Variants in CSRP3 observed in about 807,000 individuals in gnomAD.
CSRP3 encodes cysteine and glycine rich protein 3, also known as cysteine and glycine-rich protein 3.
In CSRP3, 24 loss-of-function variants were observed where a neutral mutation model predicts 24.3. That is an observed-to-expected ratio of 0.99 (90% CI 0.71 to 1.39). CSRP3 has a LOEUF of 1.39. Ranked by LOEUF, CSRP3 falls within the 40% of genes most tolerant of loss-of-function variation. The probability of loss-of-function intolerance (pLI) is 0.00; values close to 1 mark genes in which losing one functional copy is unlikely to be tolerated. For synonymous variants in CSRP3, 105 were observed against 94.0 expected (o/e 1.12, Z -0.68); for missense variants, 240 against 249.0 (o/e 0.96, Z 0.24).
Position 19,186,224 on chromosome 11 carries a change from C to A in CSRP3, c.406G>T (p.Gly136Cys). 6.2e-7 allele frequency: 1 copy of A among 1,614,204 alleles called. No homozygotes were observed. Among genetic ancestry groups the A allele is most frequent in the East Asian group, 2.2e-5 (1 of 44,878 alleles). The change falls in exon 4 of 6, where the codon GGT (glycine) becomes TGT (cysteine). Residue 136 changes from glycine to cysteine, a missense_variant. Gly to Cys is a radical substitution (Grantham distance 159). Coordinates refer to ENST00000265968, the MANE Select transcript of CSRP3 (RefSeq NM_003476.5). The stretch of plus-strand genomic sequence containing the variant: ...CATACAGAAGGTCTTACCTTGCCAC[C>A]TCCCATAACCTTCTCAGCAGCATAG... ...SVYAAEKVMGGGKPWHKTCFR... is the reference protein window; with the variant it reads ...SVYAAEKVMGCGKPWHKTCFR...
At chr11:19,195,691 C>CTG (rs35333621) in intron 1 of CSRP3, among the ~76,000 whole-genome samples, 153 of 150,490 alleles carry the variant, frequency 1.0e-3, no homozygotes, top group East Asian at 3.7e-3. Flanking sequence ...ACATATATAT[C>CTG]TGTGTGTGTG....
At chr11:19,195,606 G>A (rs1850689489) in intron 1 of CSRP3, among the ~76,000 whole-genome samples, 1 of 152,168 alleles carries the variant, frequency 6.6e-6, no homozygotes, top group Admixed American at 6.5e-5. Context: ...TCTCATTTCA[G>A]ATTTGCAGTG....
chr11:19,197,563 C>CTTTCTTTCTTTCTT lies in CSRP3; in HGVS notation c.-29+4377_-29+4390dup, dbSNP rs1554968725. 9.9e-4 allele frequency among the ~76,000 whole-genome samples: 124 copies of CTTTCTTTCTTTCTT among 124,894 alleles called. 1 individual carries two copies. Among genetic ancestry groups the CTTTCTTTCTTTCTT allele is most frequent in the South Asian group, 5.1e-3 (19 of 3,706 alleles). The allele number at this position is 124,894 out of a possible 152,430, so 81.9% of individuals were successfully genotyped here. On this transcript the variant is annotated intron_variant, in intron 1 of 5. Coordinates refer to ENST00000265968, the MANE Select transcript of CSRP3 (RefSeq NM_003476.5). ...TCTTTCTTTCTTTCTTTCTTTCTTTCTTTCTTTCTTTCTTCTTTCACTACC... is the reference window on the plus strand; with the variant it reads ...TCTTTCTTTCTTTCTTTCTTTCTTTCTTTCTTTCTTTCTTTTTCTTTCTTTCTTCTTTCACTACC...
rs749002955 is a variant in CSRP3, at chr11:19,182,723, G to A, written c.532C>T (p.Pro178Ser). 12 of 1,613,888 alleles carry A rather than the reference G, an allele frequency of 7.4e-6. No individual in the cohort carries two copies. Among genetic ancestry groups the A allele is most frequent in the African/African-American group, 1.3e-5 (1 of 74,866 alleles). The change falls in exon 6 of 6, where the codon CCC (proline) becomes TCC (serine). Residue 178 changes from proline to serine, a missense_variant. By Grantham distance (74) the Pro-to-Ser change is moderately conservative. Transcript: ENST00000265968. ...CKVCYAKNFGPTGIGFGGLTQ... is the reference protein window; with the variant it reads ...CKVCYAKNFGSTGIGFGGLTQ... ...AGGCCTCCAAACCCAATACCCGTGG[G>A]GCCAAAATTTTTGGCATAGCAAACT... is the stretch of plus-strand genomic sequence containing the variant.
At chr11:19,201,232 T>G (rs1408150954) in intron 1 of CSRP3, among the ~76,000 whole-genome samples, 1 of 152,248 alleles carries the variant, frequency 6.6e-6, no homozygotes, top group Non-Finnish European at 1.5e-5. Flanking sequence ...GAGCTTTTAA[T>G]ATATTTCAAC....
Position 19,192,380 on chromosome 11 carries a change from G to T in CSRP3, c.69C>A (p.Ile23=). ...CEKTVYHAEE[I]QCNGRSFHKT... is the part of the protein sequence containing the mutation. ...TGTGGAAACTCCTTCCATTGCACTG[G>T]ATTTCTTCTGCATGGTAGACGGTCT... Residue 23 remains isoleucine (I), a synonymous_variant, in exon 2 of 6, where the codon ATC becomes ATA. Transcript: ENST00000265968. 6.2e-7 allele frequency: 1 copy of T among 1,614,202 alleles called. No individual in the cohort carries two copies. Among genetic ancestry groups the T allele is most frequent in the Non-Finnish European group, 8.5e-7 (1 of 1,180,024 alleles).
chr11:19,198,058 C>T (rs1850771384), intron 1 of CSRP3, among the ~76,000 whole-genome samples: 2 of 152,158 alleles, frequency 1.3e-5, no homozygotes, highest in Admixed American at 6.6e-5. Context: ...TTGGAACTTA[C>T]GTTTCTCTGA....
At chr11:19,191,518 A>G (rs1850614138) in intron 2 of CSRP3, among the ~76,000 whole-genome samples, 1 of 152,196 alleles carries the variant, frequency 6.6e-6, no homozygotes, top group Non-Finnish European at 1.5e-5. Flanking sequence ...TCTCCCAAAC[A>G]GGACTAGCTG....
At chr11:19,183,137 G>A (rs1435214731) in intron 5 of CSRP3, among the ~76,000 whole-genome samples, 1 of 145,710 alleles carries the variant, frequency 6.9e-6, no homozygotes, top group Non-Finnish European at 1.5e-5. Context: ...CAGCTTGGAT[G>A]ACAGAGCAAG....
chr11:19,185,547 C>A (rs562118334), intron 4 of CSRP3, among the ~76,000 whole-genome samples: 114 of 152,328 alleles, frequency 7.5e-4, no homozygotes, highest in Non-Finnish European at 1.3e-3. Flanking sequence ...TGCGTGTCTA[C>A]CAGGTACAGC....
In CSRP3 at chr11:19,182,137, A is replaced by G. The variant is rs919222506; in HGVS notation, c.*533T>C. 1 of 159,344 alleles carries G rather than the reference A, an allele frequency of 6.3e-6. No homozygotes were observed. Among genetic ancestry groups the G allele is most frequent in the Non-Finnish European group, 1.4e-5 (1 of 71,816 alleles). 9.9% of individuals were successfully genotyped at this position (159,344 alleles called of 1,614,324 possible). A position where few individuals can be genotyped will look rare whatever the true frequency, so the allele number is the denominator to read the frequency against. ...GATAGGACAAAGGGATCAACTCTTC[A>G]GCAATTTTATTAGTTTTGATTTTCC... On this transcript the variant is annotated 3_prime_UTR_variant, in exon 6 of 6. Coordinates refer to ENST00000265968, the MANE Select transcript of CSRP3 (RefSeq NM_003476.5).
rs566765359 is a variant in CSRP3, at chr11:19,192,256, C to T, written c.112+81G>A. The T allele has an allele frequency of 1.7e-5, 16 of 927,210 alleles. No individual in the cohort carries two copies. In the African/African-American group the frequency reaches 1.9e-4, roughly 11 times the overall value. 57.4% of individuals were successfully genotyped at this position (927,210 alleles called of 1,614,324 possible). ...AGGACCACACTATGAGAACCACTGG[C>T]ATACAGTGTTTGTGATTCAATGTGA... is the stretch of plus-strand genomic sequence containing the variant. On this transcript the variant is annotated intron_variant, in intron 2 of 5. Transcript: ENST00000265968.
intron 4 of CSRP3, among the ~76,000 whole-genome samples, chr11:19,185,789 C>T: frequency 6.6e-6 from 1 of 152,144 alleles, no homozygotes; most frequent in African/African-American, 2.4e-5. Flanking sequence ...TCCTGAGAGC[C>T]AGGAAGTTCG....
At chr11:19,187,515 G>A (rs1344767742) in intron 3 of CSRP3, among the ~76,000 whole-genome samples, 1 of 152,240 alleles carries the variant, frequency 6.6e-6, no homozygotes, top group Non-Finnish European at 1.5e-5. Flanking sequence ...TGGTTATCAA[G>A]AAAGTGGACC....
At position 19,185,011 on chromosome 11, in the gene CSRP3, C is replaced by T. The variant is rs761507504; in HGVS notation, c.449G>A (p.Cys150Tyr). Residue 150 changes from cysteine to tyrosine, a missense_variant, in exon 5 of 6, where the codon TGT becomes TAT. Physicochemically the swap from Cys to Tyr is radical, Grantham distance 194 (BLOSUM62 -2). Coordinates refer to ENST00000265968, the MANE Select transcript of CSRP3 (RefSeq NM_003476.5). ...ATTTGTGGACTCCAGACTCTTCCCA[C>T]AGATGGCACAGCGGAAACAGGTCTT... ...WHKTCFRCAI[C>Y]GKSLESTNVT... 42 of 1,614,128 alleles carry T rather than the reference C, an allele frequency of 2.6e-5. No homozygotes were observed. Among genetic ancestry groups the T allele is most frequent in the Non-Finnish European group, 3.4e-5 (40 of 1,180,036 alleles).
intron 1 of CSRP3, among the ~76,000 whole-genome samples, chr11:19,199,976 A>AT (rs1850808624): frequency 6.6e-6 from 1 of 152,204 alleles, no homozygotes; most frequent in Non-Finnish European, 1.5e-5. Context: ...TGTGTGTTAT[A>AT]TTCCTAGCCC....
chr11:19,196,663 G>A (rs1310225385), intron 1 of CSRP3: 2 of 152,222 alleles, frequency 1.3e-5, no homozygotes, highest in Non-Finnish European at 2.9e-5. Context: ...GTACTGGCAA[G>A]GGTCATTGAA....
chr11:19,192,089 T>C (rs1850625088), intron 2 of CSRP3, among the ~76,000 whole-genome samples: 1 of 152,068 alleles, frequency 6.6e-6, no homozygotes, highest in Non-Finnish European at 1.5e-5. Flanking sequence ...TGTTCTGACG[T>C]TGAGCTACAG....
At chr11:19,193,137 A>G (rs1405338081) in intron 1 of CSRP3, among the ~76,000 whole-genome samples, 1 of 152,206 alleles carries the variant, frequency 6.6e-6, no homozygotes, top group East Asian at 1.9e-4. Context: ...ATAATCACCT[A>G]GGCTATAAGA....
Sources: gnomAD v4.1 joint callset for allele counts (sites outside exome capture counted in the v4.1 genomes callset) on GRCh38, gnomAD v4.1.1 for gene constraint, MANE v1.5 for transcripts, NCBI Gene and HGNC (gene_info 2026-07-23, HGNC 2026-07-21) for gene names.